Variants in MAPRE2 observed in about 807,000 individuals in gnomAD.
The protein encoded by MAPRE2 is microtubule-associated protein RP/EB family member 2.
MAPRE2 carries 13 observed loss-of-function variants against 43.2 expected under a neutral mutation model. The observed-to-expected ratio is 0.30, with a 90% CI of 0.20 to 0.48. MAPRE2 has a LOEUF of 0.48. MAPRE2 is among the 20% of genes least tolerant of loss of function. MAPRE2 has a pLI of 0.99. For missense variants in MAPRE2, 161 were observed against 400.2 expected, an observed-to-expected ratio of 0.40 and a Z score of 5.10; for synonymous variants, 135 against 148.8, an observed-to-expected ratio of 0.91 and a Z score of 0.68.
intron 2 of MAPRE2, among the ~76,000 whole-genome samples, chr18:35,080,825 T>C (rs569920293): frequency 7.3e-4 from 109 of 149,448 alleles, no homozygotes; most frequent in Middle Eastern, 3.4e-3. Context: ...TTTTTTTTTT[T>C]CCCACCCTGA....
chr18:34,991,376 G>A (rs1000138643), intron 1 of MAPRE2, among the ~76,000 whole-genome samples: 2 of 152,164 alleles, frequency 1.3e-5, no homozygotes, highest in African/African-American at 4.8e-5. Context: ...ACCGAGTAGA[G>A]CTTTGGAACC....
chr18:34,982,021 A>T (rs2097016655), intron 1 of MAPRE2, among the ~76,000 whole-genome samples: 1 of 151,288 alleles, frequency 6.6e-6, no homozygotes, highest in Admixed American at 6.6e-5. Context: ...AGTAGCTGGG[A>T]CTACAGCCCC....
chr18:35,015,539 A>G (rs549463608), intron 2 of MAPRE2, among the ~76,000 whole-genome samples: 3 of 151,854 alleles, frequency 2.0e-5, no homozygotes, highest in African/African-American at 7.3e-5. Flanking sequence ...TGTGAATGCA[A>G]ATTTGTTATC....
chr18:35,022,970 G>A (rs1208661033), intron 2 of MAPRE2, among the ~76,000 whole-genome samples: 2 of 152,126 alleles, frequency 1.3e-5, no homozygotes, highest in African/African-American at 2.4e-5. Flanking sequence ...ATTAAAATGT[G>A]TAATAGAAGC....
chr18:35,078,104 A>G (rs1327226404), intron 2 of MAPRE2, among the ~76,000 whole-genome samples: 2 of 152,206 alleles, frequency 1.3e-5, no homozygotes, highest in East Asian at 3.8e-4. Context: ...AAATGAATTT[A>G]TGATTACTTA....
At position 35,141,122 on chromosome 18, in the gene MAPRE2, C is replaced by CCAGGTT. The variant is rs1420041049; in HGVS notation, c.*754_*759dup. 6.6e-6 allele frequency: 1 copy of CCAGGTT among 152,250 alleles called. No individual in the cohort carries two copies. The highest frequency in any genetic ancestry group is 1.5e-5 in the Non-Finnish European group (1 of 68,076). 9.4% of individuals were successfully genotyped at this position (152,250 alleles called of 1,614,324 possible). A position where few individuals can be genotyped will look rare whatever the true frequency, so the allele number is the denominator to read the frequency against. On this transcript the variant is annotated 3_prime_UTR_variant, in exon 7 of 7. Transcript: ENST00000300249. ...CCCTTGCCCCCATGTAGCCCATTTC[C>CCAGGTT]CAGGTTATGCTCTTTTCTTTCTCAG...
Position 35,093,261 on chromosome 18 carries a change from C to CAA in MAPRE2, c.251-4178_251-4177dup, listed in dbSNP as rs546715876. 2.1e-3 allele frequency among the ~76,000 whole-genome samples: 241 copies of CAA among 112,764 alleles called. 1 individual carries two copies. Among genetic ancestry groups the CAA allele is most frequent in the Non-Finnish European group, 3.4e-3 (177 of 51,614 alleles). The allele number at this position is 112,764 out of a possible 152,430, so 74.0% of individuals were successfully genotyped here. A position where few individuals can be genotyped will look rare whatever the true frequency, so the allele number is the denominator to read the frequency against. On this transcript the variant is annotated intron_variant, in intron 2 of 6. Transcript: ENST00000300249. ...AAAGGAATGGCTATTATCAAAAAGG[C>CAA]AAAAAAAATTGTTGGCATGGATTTG...
At chr18:35,086,713 T>A (rs1301468450) in intron 2 of MAPRE2, among the ~76,000 whole-genome samples, 1 of 151,932 alleles carries the variant, frequency 6.6e-6, no homozygotes, top group Non-Finnish European at 1.5e-5. Context: ...CAGATCAGAG[T>A]TTAAATTCCA....
At chr18:35,003,069 T>C (rs1374903394) in intron 1 of MAPRE2, among the ~76,000 whole-genome samples, 1 of 152,176 alleles carries the variant, frequency 6.6e-6, no homozygotes, top group African/African-American at 2.4e-5. Context: ...AGTTCGTTTT[T>C]ACGTAAAGTG....
chr18:35,105,596 A>G (rs1908869497), intron 4 of MAPRE2, among the ~76,000 whole-genome samples: 1 of 152,100 alleles, frequency 6.6e-6, no homozygotes, highest in Non-Finnish European at 1.5e-5. Flanking sequence ...TATAAAATGT[A>G]TGCACCTTAG....
intron 4 of MAPRE2, among the ~76,000 whole-genome samples, chr18:35,113,468 A>T (rs73946527): frequency 0.033 from 4,834 of 145,840 alleles, 121 homozygotes; most frequent in African/African-American, 0.082. Context: ...ATTGTTTTTT[A>T]AAAAAAAACT....
At chr18:34,991,898 T>C (rs1266862102) in intron 1 of MAPRE2, among the ~76,000 whole-genome samples, 1 of 152,224 alleles carries the variant, frequency 6.6e-6, no homozygotes, top group East Asian at 1.9e-4. Context: ...ATGGAGTTTG[T>C]GGCCCATCCC....
chr18:35,095,473 G>A (rs776760393), intron 2 of MAPRE2, among the ~76,000 whole-genome samples: 3 of 150,012 alleles, frequency 2.0e-5, no homozygotes, highest in Non-Finnish European at 4.4e-5. Flanking sequence ...TTCTCTGGAT[G>A]ATGACACTAG....
intron 6 of MAPRE2, among the ~76,000 whole-genome samples, chr18:35,137,781 G>A (rs1320341628): frequency 2.6e-5 from 4 of 152,154 alleles, no homozygotes; most frequent in Non-Finnish European, 5.9e-5. Flanking sequence ...TCCCACCGAA[G>A]CAGAAACTGA....
At chr18:35,106,942 G>A (rs1367890717) in intron 4 of MAPRE2, among the ~76,000 whole-genome samples, 1 of 152,132 alleles carries the variant, frequency 6.6e-6, no homozygotes, top group Non-Finnish European at 1.5e-5. Context: ...AGCCATATCT[G>A]CAACTCAAGA....
At chr18:35,062,290 C>T (rs74470921) in intron 1 of MAPRE2, among the ~76,000 whole-genome samples, 1 of 152,144 alleles carries the variant, frequency 6.6e-6, no homozygotes, top group Non-Finnish European at 1.5e-5. Context: ...AATCTGTGGG[C>T]ATGAATGTAC....
upstream of MAPRE2, among the ~76,000 whole-genome samples, chr18:35,036,508 C>G (rs148269369): frequency 6.6e-4 from 100 of 152,216 alleles, no homozygotes; most frequent in African/African-American, 2.2e-3. Context: ...TCATCCTTGC[C>G]CCATCTCCTA....
chr18:34,995,407 A>G (rs1469357913), intron 1 of MAPRE2, among the ~76,000 whole-genome samples: 3 of 152,254 alleles, frequency 2.0e-5, no homozygotes, highest in Non-Finnish European at 4.4e-5. Flanking sequence ...AGAAAATAAC[A>G]GTGGCTTCAC....
chr18:35,071,245 G>C (rs1907103099), intron 2 of MAPRE2, among the ~76,000 whole-genome samples: 1 of 152,172 alleles, frequency 6.6e-6, no homozygotes, highest in African/African-American at 2.4e-5. Flanking sequence ...GCCAGGTGTG[G>C]TGACTTACGC....
Sources: allele counts gnomAD v4.1 joint callset (sites outside exome capture counted in the v4.1 genomes callset), GRCh38; gene constraint gnomAD v4.1.1; transcripts MANE v1.5; gene names NCBI Gene and HGNC (gene_info 2026-07-23, HGNC 2026-07-21).